MACROH2A2: variants seen among roughly 807,000 people sequenced by gnomAD.
MACROH2A2 encodes macroH2A.2 histone.
Under a neutral mutation model 37.6 loss-of-function variants are expected in MACROH2A2, and 6 were observed. The observed-to-expected ratio is 0.16, with a 90% CI of 0.09 to 0.32. The LOEUF is 0.32. Ranked by LOEUF, MACROH2A2 falls within the 10% of genes least tolerant of loss-of-function variation. The probability of loss-of-function intolerance (pLI) is 1.00; values close to 1 mark genes in which losing one functional copy is unlikely to be tolerated. For synonymous variants in MACROH2A2, 192 were observed against 202.7 expected (o/e 0.95, Z 0.45); for missense variants, 290 against 485.9 (o/e 0.60, Z 3.79).
chr10:70,106,666 C>G (rs1011525794), intron 7 of MACROH2A2, among the ~76,000 whole-genome samples: 58 of 151,892 alleles, frequency 3.8e-4, no homozygotes, highest in African/African-American at 1.3e-3. Flanking sequence ...GGCATGGTGG[C>G]GGGTGCCTGT....
chr10:70,103,847 A>G lies in MACROH2A2; in HGVS notation c.778+3550A>G, dbSNP rs139588232. Among the ~76,000 whole-genome samples, 24 of 152,314 alleles carry G rather than the reference A, an allele frequency of 1.6e-4. No homozygotes were observed. The East Asian group carries it at 4.6e-3, about 29-fold the overall frequency. On this transcript the variant is annotated intron_variant, in intron 7 of 8. Coordinates refer to ENST00000373255, the MANE Select transcript of MACROH2A2 (RefSeq NM_018649.3). ...TCAAAGCACTGAAGGGAAAAAAAAA[A>G]CTGTCAACCAAGAATTCCACATTTT... is the stretch of plus-strand genomic sequence containing the variant.
At chr10:70,071,292 T>G (rs577365654) in intron 1 of MACROH2A2, among the ~76,000 whole-genome samples, 1 of 152,282 alleles carries the variant, frequency 6.6e-6, no homozygotes, top group South Asian at 2.1e-4. Flanking sequence ...CCACTTACCA[T>G]TAACTGAGAA....
chr10:70,056,384 A>G (rs1480680059), intron 1 of MACROH2A2, among the ~76,000 whole-genome samples: 1 of 152,196 alleles, frequency 6.6e-6, no homozygotes, highest in Non-Finnish European at 1.5e-5. Context: ...AGTAGCTGGG[A>G]CTACAAGCTT....
At chr10:70,105,477 A>G (rs1002722472) in intron 7 of MACROH2A2, among the ~76,000 whole-genome samples, 8 of 152,214 alleles carry the variant, frequency 5.3e-5, no homozygotes, top group East Asian at 3.8e-4. Flanking sequence ...CCATGTGTGC[A>G]GGGGACTGAG....
chr10:70,070,997 G>A lies in MACROH2A2; in HGVS notation c.-59-4603G>A, dbSNP rs1047297326. 3.3e-5 allele frequency among the ~76,000 whole-genome samples: 5 copies of A among 149,936 alleles called. No homozygotes were observed. The South Asian group carries it at 6.3e-4, about 19-fold the overall frequency. On this transcript the variant is annotated intron_variant, in intron 1 of 8. Coordinates refer to ENST00000373255, the MANE Select transcript of MACROH2A2 (RefSeq NM_018649.3). ...TGTGTGTGTGTGTCTGTGTGCATGTGCATGTGTGTGTGTGTGTGAGCGCGT... is the reference window on the plus strand; with the variant it reads ...TGTGTGTGTGTGTCTGTGTGCATGTACATGTGTGTGTGTGTGTGAGCGCGT...
chr10:70,107,767 T>A lies in MACROH2A2; in HGVS notation c.779-1266T>A, dbSNP rs2072346653. On this transcript the variant is annotated intron_variant, in intron 7 of 8. Coordinates refer to ENST00000373255, the MANE Select transcript of MACROH2A2 (RefSeq NM_018649.3). The surrounding 1 kb of genome is among the most constrained non-coding windows in gnomAD (Gnocchi z 4.4). ...GCATGTGGAGATCATCAAATGGCAG[T>A]CCCTGTCAAGGAACTACACAATCAA... 6.6e-6 allele frequency among the ~76,000 whole-genome samples: 1 copy of A among 152,128 alleles called. No individual in the cohort carries two copies. The highest frequency in any genetic ancestry group is 2.4e-5 in the African/African-American group (1 of 41,428).
rs572483071 is a variant in MACROH2A2, at chr10:70,091,403, C to T, written c.280-354C>T. Among the ~76,000 whole-genome samples, 9 of 152,362 alleles carry T rather than the reference C, an allele frequency of 5.9e-5. No homozygotes were observed. In the South Asian group the frequency reaches 1.9e-3, roughly 32 times the overall value. On this transcript the variant is annotated intron_variant, in intron 3 of 8. Transcript: ENST00000373255. The stretch of plus-strand genomic sequence containing the variant: ...AACCGTATTAAGTCCAGGCCAGGCA[C>T]AGTGGCCCACGCCTGTAATCCCAGC...
At position 70,075,712 on chromosome 10, in the gene MACROH2A2, G is replaced by A; in HGVS notation, c.54G>A (p.Arg18=). 1 of 1,614,194 alleles carries A rather than the reference G, an allele frequency of 6.2e-7. No homozygotes were observed. Among genetic ancestry groups the A allele is most frequent in the Middle Eastern group, 1.7e-4 (1 of 6,038 alleles). The change falls in exon 2 of 9, where the codon AGG becomes AGA. Residue 18 remains arginine, a synonymous_variant. Transcript: ENST00000373255. This position sits in a 1 kb window ranked among gnomAD's most constrained non-coding sequence, Gnocchi z 5.0. ...KKMSKLSRSA[R]AGVIFPVGRL... is the part of the protein sequence containing the mutation. ...TGTCCAAGCTGTCCCGTTCAGCTAG[G>A]GCAGGTGTCATCTTTCCAGTGGGGA...
intron 2 of MACROH2A2, among the ~76,000 whole-genome samples, chr10:70,083,518 C>T (rs146715364): frequency 0.018 from 2,739 of 152,162 alleles, 42 homozygotes; most frequent in South Asian, 0.023. Flanking sequence ...CCCTCTCTTC[C>T]ACACACTGCC....
intron 1 of MACROH2A2, among the ~76,000 whole-genome samples, chr10:70,058,462 A>G (rs1253824116): frequency 3.9e-5 from 6 of 152,192 alleles, no homozygotes; most frequent in Non-Finnish European, 7.3e-5. Flanking sequence ...ACAACACATG[A>G]TCTGGCCAAA....
intron 8 of MACROH2A2, 57 bp downstream of exon 8, chr10:70,109,264 C>A: frequency 7.0e-7 from 1 of 1,436,312 alleles, no homozygotes; most frequent in Non-Finnish European, 9.8e-7. Context: ...AAATCAGCTG[C>A]TCCCCCACTT....
At chr10:70,065,030 T>C (rs2072071241) in intron 1 of MACROH2A2, among the ~76,000 whole-genome samples, 1 of 151,270 alleles carries the variant, frequency 6.6e-6, no homozygotes, top group South Asian at 2.1e-4. Context: ...TTCTTTTTTT[T>C]TTTCTTTTTT....
chr10:70,097,459 C>G (rs542993925), intron 6 of MACROH2A2, among the ~76,000 whole-genome samples: 7 of 152,284 alleles, frequency 4.6e-5, no homozygotes, highest in Non-Finnish European at 7.3e-5. Context: ...TTTTCCACCA[C>G]CATCACCCAA....
chr10:70,101,863 G>C (rs1446590957), intron 7 of MACROH2A2, among the ~76,000 whole-genome samples: 1 of 152,094 alleles, frequency 6.6e-6, no homozygotes, highest in Non-Finnish European at 1.5e-5. Context: ...ATTCCATTTT[G>C]TTTAACCGTT....
At chr10:70,097,377 C>G (rs2072282142) in intron 6 of MACROH2A2, among the ~76,000 whole-genome samples, 2 of 152,158 alleles carry the variant, frequency 1.3e-5, no homozygotes, top group Admixed American at 6.5e-5. Context: ...GTGCTGGGCT[C>G]CTAGGCAGTT....
intron 2 of MACROH2A2, among the ~76,000 whole-genome samples, chr10:70,084,451 C>G (rs1325556137): frequency 6.6e-6 from 1 of 152,214 alleles, no homozygotes; most frequent in African/African-American, 2.4e-5. Flanking sequence ...ACTCGAGAGG[C>G]TCAGGCGGGA....
At position 70,100,314 on chromosome 10, in the gene MACROH2A2, G is replaced by T; in HGVS notation, c.778+17G>T. 6.9e-7 allele frequency: 1 copy of T among 1,447,006 alleles called. No homozygotes were observed. Among genetic ancestry groups the T allele is most frequent in the South Asian group, 1.2e-5 (1 of 86,160 alleles). The allele number at this position is 1,447,006 out of a possible 1,614,324, so 89.6% of individuals were successfully genotyped here. A position where few individuals can be genotyped will look rare whatever the true frequency, so the allele number is the denominator to read the frequency against. ...TCGCCGAAGGTAAGTGTGGAACTAG[G>T]CTCCTGTCACCAGCATGGCCTCACC... is the stretch of plus-strand genomic sequence containing the variant. On this transcript the variant is annotated intron_variant, in intron 7 of 8. Transcript: ENST00000373255.
intron 2 of MACROH2A2, among the ~76,000 whole-genome samples, chr10:70,077,637 C>T (rs929832251): frequency 3.3e-5 from 5 of 151,130 alleles, no homozygotes; most frequent in South Asian, 2.1e-4. Flanking sequence ...CTTGGGAGGC[C>T]GAGGCGGGCA....
In MACROH2A2 at chr10:70,054,015, C is replaced by T. The variant is rs2071995145; in HGVS notation, c.-60+1015C>T. ...CTCAGCCCCAGCCCGGCCAGCCCCC[C>T]GGATCGCCCGTGGGTGTCCTCCCCC... On this transcript the variant is annotated intron_variant, in intron 1 of 8. Coordinates refer to ENST00000373255, the MANE Select transcript of MACROH2A2 (RefSeq NM_018649.3). Among the ~76,000 whole-genome samples the T allele has an allele frequency of 2.6e-5, 4 of 152,262 alleles. No individual in the cohort carries two copies. The South Asian group carries it at 8.3e-4, about 32-fold the overall frequency.
Sources: gnomAD v4.1 joint callset for allele counts (sites outside exome capture counted in the v4.1 genomes callset) on GRCh38, gnomAD v4.1.1 for gene constraint, Gnocchi (gnomAD v3.1) non-coding constraint, MANE v1.5 for transcripts, NCBI Gene and HGNC (gene_info 2026-07-23, HGNC 2026-07-21) for gene names.